Variants in NKAIN3 observed in about 807,000 individuals in gnomAD.
NKAIN3 encodes the protein sodium/potassium-transporting ATPase subunit beta-1-interacting protein 3.
Under a neutral mutation model 30.2 loss-of-function variants are expected in NKAIN3, and 25 were observed. That is an observed-to-expected ratio of 0.83 (90% CI 0.60 to 1.16). The LOEUF is 1.16. NKAIN3 is among the 50% of genes most tolerant of loss of function. The probability of loss-of-function intolerance (pLI) is 0.00; values close to 1 mark genes in which losing one functional copy is unlikely to be tolerated. For synonymous variants in NKAIN3, 91 were observed against 89.6 expected (o/e 1.02, Z -0.09); for missense variants, 225 against 254.1 (o/e 0.89, Z 0.78).
chr8:62,771,916 T>A (rs1336732847), intron 4 of NKAIN3, among the ~76,000 whole-genome samples: 1 of 152,174 alleles, frequency 6.6e-6, no homozygotes, highest in Non-Finnish European at 1.5e-5. Flanking sequence ...TTACAAACAA[T>A]CCAGCTTTAT....
intron 4 of NKAIN3, among the ~76,000 whole-genome samples, chr8:62,884,900 T>C (rs1321949638): frequency 1.3e-5 from 2 of 152,074 alleles, no homozygotes; most frequent in Admixed American, 6.5e-5. Context: ...ATCAATGTTA[T>C]TGATTTTTTT....
intron 1 of NKAIN3, among the ~76,000 whole-genome samples, chr8:62,422,392 A>G (rs1384472882): frequency 6.6e-6 from 1 of 152,156 alleles, no homozygotes; most frequent in African/African-American, 2.4e-5. Flanking sequence ...TGGAATGTGA[A>G]AAATTTTGAA....
intron 1 of NKAIN3, among the ~76,000 whole-genome samples, chr8:62,342,255 T>G (rs1182864758): frequency 1.1e-4 from 12 of 113,394 alleles, no homozygotes; most frequent in Admixed American, 8.7e-5. Context: ...AAAAAAGAGA[T>G]AGAAAATAAA....
At chr8:62,547,767 G>A (rs1382305351) in intron 1 of NKAIN3, among the ~76,000 whole-genome samples, 1 of 152,170 alleles carries the variant, frequency 6.6e-6, no homozygotes, top group African/African-American at 2.4e-5. Flanking sequence ...AGCCTGGGTT[G>A]ACTATTCCCC....
At chr8:62,315,657 G>T (rs1814597280) in intron 1 of NKAIN3, among the ~76,000 whole-genome samples, 1 of 152,128 alleles carries the variant, frequency 6.6e-6, no homozygotes, top group Non-Finnish European at 1.5e-5. Flanking sequence ...TGCCTTAGAG[G>T]CTGGTGTCCA....
chr8:62,711,875 G>C (rs558129079), intron 3 of NKAIN3, among the ~76,000 whole-genome samples: 3 of 152,216 alleles, frequency 2.0e-5, no homozygotes, highest in Admixed American at 6.5e-5. Flanking sequence ...GCCTCTGTAA[G>C]AGGGAATGTC....
intron 4 of NKAIN3, among the ~76,000 whole-genome samples, chr8:62,889,277 G>A (rs1821232028): frequency 1.3e-5 from 2 of 152,064 alleles, no homozygotes; most frequent in South Asian, 2.1e-4. Flanking sequence ...GGCTGAGGCA[G>A]GAGAATTGCT....
intron 3 of NKAIN3, among the ~76,000 whole-genome samples, chr8:62,641,333 G>T (rs1457282755): frequency 6.6e-6 from 1 of 152,118 alleles, no homozygotes; most frequent in East Asian, 1.9e-4. Context: ...CTATTGCTGT[G>T]TGTCTTGCTG....
intron 5 of NKAIN3, among the ~76,000 whole-genome samples, chr8:62,926,873 A>G (rs58073364): frequency 0.11 from 16,410 of 152,036 alleles, 980 homozygotes; most frequent in East Asian, 0.17. Context: ...TGTGGCTGCT[A>G]TGTCCATCCC....
At chr8:62,755,037 A>G (rs1816407401) in intron 4 of NKAIN3, among the ~76,000 whole-genome samples, 1 of 152,234 alleles carries the variant, frequency 6.6e-6, no homozygotes, top group Non-Finnish European at 1.5e-5. Context: ...GCATTTATTT[A>G]ACAAACTCAG....
At chr8:62,409,234 G>T (rs1804166490) in intron 1 of NKAIN3, among the ~76,000 whole-genome samples, 1 of 152,050 alleles carries the variant, frequency 6.6e-6, no homozygotes, top group South Asian at 2.1e-4. Context: ...GCCCAGGCTG[G>T]AATGCAGTGG....
At chr8:62,872,058 ATACT>A (rs766802110) in intron 4 of NKAIN3, among the ~76,000 whole-genome samples, 2 of 152,236 alleles carry the variant, frequency 1.3e-5, no homozygotes, top group African/African-American at 2.4e-5. Flanking sequence ...TGATACACAA[ATACT>A]TACCATTGTG....
rs190438740 is a variant in NKAIN3, at chr8:62,807,841, A to T, written c.471+60712A>T. On this transcript the variant is annotated intron_variant, in intron 4 of 6. Transcript: ENST00000623646. ...CATGCTCTATATGATAAATACATAC[A>T]ATTTTATCAATTTTATAAAAATGAT... Among the ~76,000 whole-genome samples, 262 of 150,586 alleles carry T rather than the reference A, an allele frequency of 1.7e-3. 1 individual carries two copies. Among genetic ancestry groups the T allele is most frequent in the African/African-American group, 5.9e-3 (242 of 41,338 alleles).
chr8:62,400,564 G>A (rs1179734763), intron 1 of NKAIN3, among the ~76,000 whole-genome samples: 1 of 152,064 alleles, frequency 6.6e-6, no homozygotes, highest in Non-Finnish European at 1.5e-5. Flanking sequence ...CAAGGGGAGT[G>A]TCCTAGCAAT....
chr8:62,804,747 G>A (rs1818209785), intron 4 of NKAIN3, among the ~76,000 whole-genome samples: 1 of 152,104 alleles, frequency 6.6e-6, no homozygotes, highest in South Asian at 2.1e-4. Context: ...GCAAAAGACA[G>A]GGATGCCCTC....
rs2129597104 is a variant in NKAIN3 at position 62,425,161 on chromosome 8, T to C, written c.55-154378T>C. On this transcript the variant is annotated intron_variant, in intron 1 of 6. Transcript: ENST00000623646. ...AAATGGGGAGTTGCTATTCAACAGG[T>C]ATAAAGTTTCAGTTAGGCAAGATTA... 1.3e-5 allele frequency among the ~76,000 whole-genome samples: 2 copies of C among 151,918 alleles called. 1 individual carries two copies. The highest frequency in any genetic ancestry group is 4.1e-4 in the South Asian group (2 of 4,830).
intron 1 of NKAIN3, among the ~76,000 whole-genome samples, chr8:62,323,387 T>C (rs1404054644): frequency 6.6e-6 from 1 of 152,194 alleles, no homozygotes; most frequent in Non-Finnish European, 1.5e-5. Context: ...GTCAAAAATA[T>C]TGAGGCACGG....
intron 4 of NKAIN3, among the ~76,000 whole-genome samples, chr8:62,828,506 G>A (rs1819095606): frequency 6.6e-6 from 1 of 152,120 alleles, no homozygotes; most frequent in African/African-American, 2.4e-5. Flanking sequence ...AGAACCAGTA[G>A]ACTAGACTAC....
At chr8:62,863,474 T>G in intron 4 of NKAIN3, 1 of 1,553,798 alleles carries the variant, frequency 6.4e-7, no homozygotes, top group Non-Finnish European at 8.8e-7. Context: ...AAATGTCAAA[T>G]GATACTCTTC....
Sources: gnomAD v4.1 joint callset for allele counts (sites outside exome capture counted in the v4.1 genomes callset) on GRCh38, gnomAD v4.1.1 for gene constraint, MANE v1.5 for transcripts, NCBI Gene and HGNC (gene_info 2026-07-23, HGNC 2026-07-21) for gene names.